YPEL2: variants seen among roughly 807,000 people sequenced by gnomAD.
YPEL2 encodes the protein yippee like 2.
Under a neutral mutation model 19.1 loss-of-function variants are expected in YPEL2, and 2 were observed. The observed-to-expected ratio is 0.10, with a 90% CI of 0.04 to 0.33. YPEL2 has a LOEUF of 0.33. Among genes scored for constraint, YPEL2 ranks in the 10% least tolerant of loss-of-function variants. The pLI, the probability that YPEL2 is intolerant of heterozygous loss-of-function variation, is 1.00. For synonymous variants in YPEL2, 52 were observed against 50.0 expected (o/e 1.04, Z -0.17); for missense variants, 66 against 140.7 (o/e 0.47, Z 2.68).
At chr17:59,375,448 T>C (rs1371020147) in intron 2 of YPEL2, among the ~76,000 whole-genome samples, 2 of 152,212 alleles carry the variant, frequency 1.3e-5, no homozygotes, top group Non-Finnish European at 2.9e-5. Flanking sequence ...CTTTTACTTA[T>C]TTGTTTCCAA....
rs562451677 is a variant in YPEL2, at chr17:59,394,548, G to A, written c.271-2553G>A. On this transcript the variant is annotated intron_variant, in intron 4 of 4. Transcript: ENST00000312655. ...AGACGATGGGCGGCCGGGCAGAGACGCTCCTCACTTCCTAGATGGGATGGT... is the reference window on the plus strand; with the variant it reads ...AGACGATGGGCGGCCGGGCAGAGACACTCCTCACTTCCTAGATGGGATGGT... Among the ~76,000 whole-genome samples the A allele has an allele frequency of 1.8e-4, 27 of 151,118 alleles. No individual in the cohort carries two copies. In the East Asian group the frequency reaches 4.5e-3, roughly 25 times the overall value.
intron 2 of YPEL2, among the ~76,000 whole-genome samples, chr17:59,367,031 T>C (rs892047239): frequency 3.9e-5 from 6 of 152,166 alleles, no homozygotes; most frequent in African/African-American, 1.4e-4. Context: ...GTCTGACAAA[T>C]CTAGGTCACC....
intron 1 of YPEL2, among the ~76,000 whole-genome samples, chr17:59,351,991 G>A (rs1567736947): frequency 6.6e-6 from 1 of 152,176 alleles, no homozygotes; most frequent in Non-Finnish European, 1.5e-5. Flanking sequence ...AGGGAAGATG[G>A]CAGTTTCGCC....
At chr17:59,360,850 G>T (rs1308599053) in intron 2 of YPEL2, among the ~76,000 whole-genome samples, 8 of 151,910 alleles carry the variant, frequency 5.3e-5, no homozygotes, top group African/African-American at 1.7e-4. Context: ...CTCTTTTTTT[G>T]ATATAAAGTC....
intron 1 of YPEL2, among the ~76,000 whole-genome samples, chr17:59,351,045 A>G (rs756809726): frequency 8.6e-5 from 13 of 151,916 alleles, no homozygotes; most frequent in Non-Finnish European, 1.8e-4. Flanking sequence ...CCTTTCCTGG[A>G]TGTGCTGTCT....
At chr17:59,333,474 CTG>C (rs2047682294) in intron 1 of YPEL2, among the ~76,000 whole-genome samples, 1 of 152,188 alleles carries the variant, frequency 6.6e-6, no homozygotes, top group Non-Finnish European at 1.5e-5. Context: ...CGCGAGAAAA[CTG>C]TTTTCCTTCT....
intron 1 of YPEL2, among the ~76,000 whole-genome samples, chr17:59,341,749 TAAG>T (rs2047732370): frequency 1.3e-5 from 2 of 152,190 alleles, no homozygotes; most frequent in Non-Finnish European, 2.9e-5. Flanking sequence ...GAAGCACTTT[TAAG>T]AAGGAGGATT....
intron 4 of YPEL2, among the ~76,000 whole-genome samples, chr17:59,390,574 A>T (rs913940414): frequency 2.0e-5 from 3 of 152,254 alleles, no homozygotes; most frequent in African/African-American, 4.8e-5. Context: ...AGATGTGATC[A>T]TGGCTGGACC....
At chr17:59,382,019 A>G (rs867621019) in intron 2 of YPEL2, among the ~76,000 whole-genome samples, 20 of 152,338 alleles carry the variant, frequency 1.3e-4, no homozygotes, top group Middle Eastern at 3.4e-3. Context: ...AGCTGGGGCT[A>G]TTCTTGTCTA....
At chr17:59,370,528 C>T (rs959724473) in intron 2 of YPEL2, among the ~76,000 whole-genome samples, 3 of 152,188 alleles carry the variant, frequency 2.0e-5, no homozygotes, top group African/African-American at 7.2e-5. Flanking sequence ...CCATTAAGTG[C>T]TGTATCACAC....
chr17:59,399,467 G>T lies in YPEL2; in HGVS notation c.*2277G>T. The T allele has an allele frequency of 6.6e-6, 1 of 152,268 alleles. No individual in the cohort carries two copies. The allele number at this position is 152,268 out of a possible 1,614,324, so 9.4% of individuals were successfully genotyped here. A position where few individuals can be genotyped will look rare whatever the true frequency, so the allele number is the denominator to read the frequency against. ...ACCAATGTGCCACTGTTCTTCCTTGGGGATGAGGCCTTTGACTGTTGGATG... is the reference window on the plus strand; with the variant it reads ...ACCAATGTGCCACTGTTCTTCCTTGTGGATGAGGCCTTTGACTGTTGGATG... On this transcript the variant is annotated 3_prime_UTR_variant, in exon 5 of 5. Transcript: ENST00000312655.
chr17:59,366,433 T>A (rs1021964314), intron 2 of YPEL2, among the ~76,000 whole-genome samples: 2 of 152,168 alleles, frequency 1.3e-5, no homozygotes, highest in Non-Finnish European at 2.9e-5. Context: ...AAACCAGCAT[T>A]TCCATAGTGC....
intron 2 of YPEL2, among the ~76,000 whole-genome samples, chr17:59,383,656 T>C (rs2047965780): frequency 9.6e-6 from 1 of 104,476 alleles, no homozygotes; most frequent in African/African-American, 3.4e-5. Context: ...ATATATGGTC[T>C]AATAGTGATT....
intron 2 of YPEL2, among the ~76,000 whole-genome samples, chr17:59,379,856 T>TTTTTGTTTTTGTTTTGTTTTGTTTTG (rs2047939810): frequency 1.3e-5 from 2 of 149,220 alleles, no homozygotes; most frequent in South Asian, 4.3e-4. Context: ...AAGTTTGGGG[T>TTTTTGTTTTTGTTTTGTTTTGTTTTG]TTTTGTTTTG....
intron 1 of YPEL2, among the ~76,000 whole-genome samples, chr17:59,348,893 A>G (rs1048722486): frequency 6.6e-6 from 1 of 152,208 alleles, no homozygotes; most frequent in African/African-American, 2.4e-5. Flanking sequence ...CCTTTAAAAA[A>G]AAATCAATTT....
At chr17:59,348,491 CATGGG>C in intron 1 of YPEL2, among the ~76,000 whole-genome samples, 1 of 152,294 alleles carries the variant, frequency 6.6e-6, no homozygotes, top group Middle Eastern at 3.4e-3. Flanking sequence ...GGGGAGGCGG[CATGGG>C]GTGGGGGCTG....
At chr17:59,375,854 A>G (rs2047917855) in intron 2 of YPEL2, among the ~76,000 whole-genome samples, 1 of 152,222 alleles carries the variant, frequency 6.6e-6, no homozygotes, top group Non-Finnish European at 1.5e-5. Context: ...AGAGTGAGCC[A>G]TCCTCCTTCA....
intron 2 of YPEL2, among the ~76,000 whole-genome samples, chr17:59,359,161 C>G (rs369093294): frequency 1.3e-5 from 2 of 151,522 alleles, no homozygotes; most frequent in Non-Finnish European, 2.9e-5. Context: ...TGACCTCCAG[C>G]GATCCACGCG....
At chr17:59,390,267 G>T (rs2048001148) in intron 4 of YPEL2, among the ~76,000 whole-genome samples, 1 of 152,184 alleles carries the variant, frequency 6.6e-6, no homozygotes, top group South Asian at 2.1e-4. Flanking sequence ...CTCCCAAAGT[G>T]CTGGGATTAC....
Sources: allele counts gnomAD v4.1 joint callset (sites outside exome capture counted in the v4.1 genomes callset), GRCh38; gene constraint gnomAD v4.1.1; transcripts MANE v1.5; gene names NCBI Gene and HGNC (gene_info 2026-07-23, HGNC 2026-07-21).